UBE3C: variants seen among roughly 807,000 people sequenced by gnomAD.
The protein encoded by UBE3C is ubiquitin-protein ligase E3C.
Under a neutral mutation model 129.4 loss-of-function variants are expected in UBE3C, and 42 were observed. The ratio of observed to expected loss-of-function variants is 0.32; its 90% CI spans 0.25 to 0.42. The LOEUF is 0.42. Ranked by LOEUF, UBE3C falls within the 10% of genes least tolerant of loss-of-function variation. The pLI is 1.00. For missense variants in UBE3C, 1,049 were observed against 1,319.1 expected (o/e 0.80, Z 3.17); for synonymous variants, 510 against 492.4 (o/e 1.04, Z -0.47).
chr7:157,158,033 C>T (rs1807963388), intron 1 of UBE3C, among the ~76,000 whole-genome samples: 2 of 145,128 alleles, frequency 1.4e-5, no homozygotes, highest in South Asian at 2.2e-4. Context: ...GAGACCCAAT[C>T]TGTACACTCT....
chr7:157,239,744 T>C (rs1398628349), intron 18 of UBE3C, among the ~76,000 whole-genome samples: 1 of 152,104 alleles, frequency 6.6e-6, no homozygotes, highest in African/African-American at 2.4e-5. Context: ...GTCAGTGGAA[T>C]TGCTGAGGGA....
rs377393340 is a variant in UBE3C, at chr7:157,183,973, G to A, written c.1087G>A (p.Asp363Asn). The change falls in exon 9 of 23, where the codon GAC becomes AAC. Residue 363 changes from aspartate to asparagine, a missense_variant. Physicochemically the swap from Asp to Asn is conservative, Grantham distance 23. Coordinates refer to ENST00000348165, the MANE Select transcript of UBE3C (RefSeq NM_014671.3). ...PVSPASASCHDSASDSEEESE... is the reference protein window; with the variant it reads ...PVSPASASCHNSASDSEEESE... Reference sequence around the variant, plus strand: ...CTCTCCTGCCAGCGCGAGCTGTCACGACTCAGCCAGTGACTCTGAGGAGGA... The same window carrying A: ...CTCTCCTGCCAGCGCGAGCTGTCACAACTCAGCCAGTGACTCTGAGGAGGA... The A allele has an allele frequency of 4.2e-5, 67 of 1,614,020 alleles. No individual in the cohort carries two copies. Among genetic ancestry groups the A allele is most frequent in the Non-Finnish European group, 5.5e-5 (65 of 1,180,032 alleles).
chr7:157,205,178 C>T (rs934753271), intron 11 of UBE3C, among the ~76,000 whole-genome samples: 1 of 152,218 alleles, frequency 6.6e-6, no homozygotes, highest in African/African-American at 2.4e-5. Context: ...AACTAAGAGA[C>T]CTGTGTCTCG....
intron 1 of UBE3C, among the ~76,000 whole-genome samples, chr7:157,143,021 C>A (rs768291381): frequency 5.9e-5 from 9 of 152,070 alleles, no homozygotes; most frequent in Non-Finnish European, 1.0e-4. Context: ...GCCTGCACCA[C>A]CACGTCTGGC....
chr7:157,262,408 G>GAT (rs1247521634), intron 22 of UBE3C, among the ~76,000 whole-genome samples: 1 of 19,708 alleles, frequency 5.1e-5, no homozygotes, highest in South Asian at 3.3e-3. Flanking sequence ...CTCTTCATAG[G>GAT]CTTTTTTTTT....
chr7:157,189,144 A>G (rs1808885937), intron 10 of UBE3C: 3 of 401,212 alleles, frequency 7.5e-6, no homozygotes, highest in Non-Finnish European at 1.3e-5. Context: ...AACTCATGAA[A>G]GTGAACACTC....
chr7:157,149,524 C>G (rs1001200613), intron 1 of UBE3C, among the ~76,000 whole-genome samples: 6 of 152,132 alleles, frequency 3.9e-5, no homozygotes, highest in African/African-American at 1.4e-4. Flanking sequence ...CAGGTTCATG[C>G]ACAGGCGGAC....
Position 157,254,057 on chromosome 7 carries a change from G to T in UBE3C, c.2798G>T (p.Arg933Leu), listed in dbSNP as rs992981687. ...VADYRLNRQI[R>L]QHCLAFRQGL... ...GACTACAGGCTGAACAGGCAGATCCGCCAGCACTGCCTGGCTTTCCGCCAG... is the reference window on the plus strand; with the variant it reads ...GACTACAGGCTGAACAGGCAGATCCTCCAGCACTGCCTGGCTTTCCGCCAG... The change falls in exon 20 of 23, where the codon CGC (arginine) becomes CTC (leucine). Residue 933 changes from arginine to leucine, a missense_variant. By Grantham distance (102) the Arg-to-Leu change is moderately radical. This residue lies in a region of UBE3C where 243 missense variants were observed against 368.7 expected (regional missense o/e 0.66). Coordinates refer to ENST00000348165, the MANE Select transcript of UBE3C (RefSeq NM_014671.3). The T allele has an allele frequency of 1.2e-6, 2 of 1,613,476 alleles. No homozygotes were observed. Among genetic ancestry groups the T allele is most frequent in the Non-Finnish European group, 8.5e-7 (1 of 1,179,806 alleles).
chr7:157,231,256 C>G lies in UBE3C; in HGVS notation c.2410C>G (p.Pro804Ala), dbSNP rs1796015680. 2 of 1,614,136 alleles carry G rather than the reference C, an allele frequency of 1.2e-6. No homozygotes were observed. Among genetic ancestry groups the G allele is most frequent in the Non-Finnish European group, 1.7e-6 (2 of 1,180,040 alleles). Residue 804 changes from proline (P) to alanine (A), a missense_variant, in exon 18 of 23, where the codon CCG (proline) becomes GCG (alanine). Pro to Ala is a conservative substitution (Grantham distance 27, BLOSUM62 -1). This residue lies in a region of UBE3C where 243 missense variants were observed against 368.7 expected (regional missense o/e 0.66). Coordinates refer to ENST00000348165, the MANE Select transcript of UBE3C (RefSeq NM_014671.3). ...TAATGAAGGGCTTCTGTACCCCAAC[C>G]CGGCTGCTCAGATGCTTGTGGGAGA... ...TTNEGLLYPN[P>A]AAQMLVGDSF...
At chr7:157,183,803 A>T in intron 8 of UBE3C, 75 bp from the exon 9 acceptor site, 1 of 1,535,990 alleles carries the variant, frequency 6.5e-7, no homozygotes, top group Non-Finnish European at 8.8e-7. Flanking sequence ...CGTGTGAGGA[A>T]AAATGGCGTC....
chr7:157,225,971 A>G (rs928704880), intron 17 of UBE3C, among the ~76,000 whole-genome samples: 34 of 152,328 alleles, frequency 2.2e-4, no homozygotes, highest in African/African-American at 7.5e-4. Context: ...GTAGCAAGTC[A>G]GATTTGGGAG....
At chr7:157,169,945 A>G (rs1339451685) in intron 3 of UBE3C, among the ~76,000 whole-genome samples, 6 of 151,920 alleles carry the variant, frequency 3.9e-5, no homozygotes, top group Non-Finnish European at 8.8e-5. Context: ...CGGCCTCTCA[A>G]AGTGCTGGGA....
At chr7:157,250,209 T>TTTGTTG (rs754565800) in intron 19 of UBE3C, among the ~76,000 whole-genome samples, 2 of 152,032 alleles carry the variant, frequency 1.3e-5, no homozygotes, top group Non-Finnish European at 2.9e-5. Context: ...CATATGGGGC[T>TTTGTTG]TTGTTGTTGT....
chr7:157,226,902 T>C (rs1195444331), intron 17 of UBE3C, among the ~76,000 whole-genome samples: 1 of 152,162 alleles, frequency 6.6e-6, no homozygotes, highest in East Asian at 1.9e-4. Context: ...GTGAATGAGA[T>C]GAGACTAGGT....
In UBE3C at chr7:157,216,734, G is replaced by A. The variant is rs189065654; in HGVS notation, c.1810-133G>A. On this transcript the variant is annotated intron_variant, in intron 13 of 22. Transcript: ENST00000348165. The stretch of plus-strand genomic sequence containing the variant: ...GGCAAAAAGAAGCCCTTTTCTGTGA[G>A]CGGGTTTGGTGTCCGGCTCGACCTG... 237 of 675,364 alleles carry A rather than the reference G, an allele frequency of 3.5e-4. No homozygotes were observed. In the African/African-American group the frequency reaches 4.1e-3, roughly 12 times the overall value. 41.8% of individuals were successfully genotyped at this position (675,364 alleles called of 1,614,324 possible).
chr7:157,163,344 A>G (rs1808125112), intron 1 of UBE3C, among the ~76,000 whole-genome samples: 2 of 147,306 alleles, frequency 1.4e-5, no homozygotes, highest in Admixed American at 7.0e-5. Context: ...CCGAGATCAC[A>G]CCACTGCACT....
chr7:157,222,310 G>A (rs1452929416), intron 15 of UBE3C: 2 of 152,084 alleles, frequency 1.3e-5, no homozygotes, highest in South Asian at 2.1e-4. Flanking sequence ...CTTTCAAGGA[G>A]GAGAAGTTTT....
chr7:157,158,681 G>GACT (rs1807984718), intron 1 of UBE3C, among the ~76,000 whole-genome samples: 3 of 152,252 alleles, frequency 2.0e-5, no homozygotes, highest in Non-Finnish European at 2.9e-5. Context: ...GTTCACTAGA[G>GACT]ACTGATGAGC....
At chr7:157,218,711 C>T (rs1198732368) in intron 14 of UBE3C, among the ~76,000 whole-genome samples, 1 of 152,026 alleles carries the variant, frequency 6.6e-6, no homozygotes, top group African/African-American at 2.4e-5. Flanking sequence ...TGGGGAAGAC[C>T]CTGCAAGATG....
Sources: gnomAD v4.1 joint callset for allele counts (sites outside exome capture counted in the v4.1 genomes callset) on GRCh38, gnomAD v4.1.1 for gene constraint, gnomAD v4.1.1 regional missense constraint, MANE v1.5 for transcripts, NCBI Gene and HGNC (gene_info 2026-07-23, HGNC 2026-07-21) for gene names.